Variants in BRINP3 observed in about 807,000 individuals in gnomAD.
The protein encoded by BRINP3 is BMP/retinoic acid-inducible neural-specific protein 3.
In BRINP3, 19 loss-of-function variants were observed where a neutral mutation model predicts 71.0. The observed-to-expected ratio is 0.27, with a 90% CI of 0.19 to 0.39. BRINP3 has a LOEUF of 0.39. Ranked by LOEUF, BRINP3 falls within the 10% of genes least tolerant of loss-of-function variation. BRINP3 has a pLI of 1.00. For missense variants in BRINP3, 959 were observed against 940.8 expected (o/e 1.02, Z -0.25); for synonymous variants, 380 against 337.7 (o/e 1.13, Z -1.37).
intron 6 of BRINP3, among the ~76,000 whole-genome samples, chr1:190,188,080 T>C (rs906903012): frequency 3.5e-4 from 53 of 152,220 alleles, no homozygotes; most frequent in African/African-American, 1.3e-3. Context: ...AGTTTCATTG[T>C]AGAGATATTA....
chr1:190,224,801 AAACCAAAACTAAT>A (rs1657192045), intron 6 of BRINP3, among the ~76,000 whole-genome samples: 1 of 151,874 alleles, frequency 6.6e-6, no homozygotes, highest in Admixed American at 6.6e-5. Context: ...AAAATACTAA[AAACCAAAACTAAT>A]AACCCAATTA....
In BRINP3 at chr1:190,454,869, C is replaced by T; in HGVS notation, c.22G>A (p.Gly8Ser). 1 of 1,614,054 alleles carries T rather than the reference C, an allele frequency of 6.2e-7. No individual in the cohort carries two copies. The highest frequency in any genetic ancestry group is 8.5e-7 in the Non-Finnish European group (1 of 1,179,942). Residue 8 changes from glycine to serine, a missense_variant, in exon 2 of 8, where the codon GGT becomes AGT. Transcript: ENST00000367462. ...GCCATCAGAGAGAACAATTCAGCACCAGCTCTGCTTCGCCATATCATGCTT... is the reference window on the plus strand; with the variant it reads ...GCCATCAGAGAGAACAATTCAGCACTAGCTCTGCTTCGCCATATCATGCTT... MIWRSRA[G>S]AELFSLMALW...
chr1:190,381,115 C>T (rs1258065443), intron 2 of BRINP3, among the ~76,000 whole-genome samples: 2 of 152,090 alleles, frequency 1.3e-5, no homozygotes, highest in Admixed American at 6.6e-5. Flanking sequence ...TCTCCCTATA[C>T]CCCATGATAT....
intron 6 of BRINP3, among the ~76,000 whole-genome samples, chr1:190,218,937 G>A (rs1309822144): frequency 6.6e-6 from 1 of 152,066 alleles, no homozygotes; most frequent in African/African-American, 2.4e-5. Flanking sequence ...CCATCATTGT[G>A]TTTTCTCTTG....
chr1:190,320,930 GT>G (rs1200660025), intron 2 of BRINP3, among the ~76,000 whole-genome samples: 1 of 151,756 alleles, frequency 6.6e-6, no homozygotes, highest in Non-Finnish European at 1.5e-5. Flanking sequence ...TGCTGTGTGT[GT>G]GTTTGTATAT....
At chr1:190,138,461 C>G (rs1390407672) in intron 7 of BRINP3, among the ~76,000 whole-genome samples, 7 of 152,106 alleles carry the variant, frequency 4.6e-5, no homozygotes, top group Non-Finnish European at 4.4e-5. Context: ...CAAGAAATAT[C>G]AGAAAGCAGG....
chr1:190,418,219 T>A (rs1349949939), intron 2 of BRINP3, among the ~76,000 whole-genome samples: 2 of 152,044 alleles, frequency 1.3e-5, no homozygotes, highest in Admixed American at 1.3e-4. Context: ...GCCTGGCTAA[T>A]TTTCGTATTT....
At chr1:190,462,134 A>G (rs1676438411) in intron 1 of BRINP3, among the ~76,000 whole-genome samples, 1 of 151,228 alleles carries the variant, frequency 6.6e-6, no homozygotes. Context: ...CTGGTCTCAA[A>G]CTCCTGATTT....
At chr1:190,244,620 A>C (rs1461378499) in intron 4 of BRINP3, among the ~76,000 whole-genome samples, 3 of 152,136 alleles carry the variant, frequency 2.0e-5, no homozygotes, top group Non-Finnish European at 4.4e-5. Flanking sequence ...CAGTGCACAC[A>C]AAGCAATCTG....
At position 190,101,624 on chromosome 1, in the gene BRINP3, A is replaced by C. The variant is rs529599628; in HGVS notation, c.1185-2490T>G. ...CTCTCCTGTTTTTGCTTCTTTATTC[A>C]GTTCTCATTTATGTATATCTAATAT... On this transcript the variant is annotated intron_variant, in intron 7 of 7. Transcript: ENST00000367462. Among the ~76,000 whole-genome samples, 34 of 151,014 alleles carry C rather than the reference A, an allele frequency of 2.3e-4. No homozygotes were observed. In the East Asian group the frequency reaches 6.4e-3, roughly 28 times the overall value.
At chr1:190,381,773 C>T (rs536588103) in intron 2 of BRINP3, among the ~76,000 whole-genome samples, 2 of 152,242 alleles carry the variant, frequency 1.3e-5, no homozygotes, top group East Asian at 1.9e-4. Flanking sequence ...TTAACACACA[C>T]GGATGACTTG....
At chr1:190,136,303 G>C (rs1413584438) in intron 7 of BRINP3, among the ~76,000 whole-genome samples, 1 of 152,026 alleles carries the variant, frequency 6.6e-6, no homozygotes, top group Non-Finnish European at 1.5e-5. Flanking sequence ...TGCACTTAAA[G>C]ATCTAACAAC....
At chr1:190,242,085 G>A (rs1460774140) in intron 4 of BRINP3, among the ~76,000 whole-genome samples, 1 of 151,528 alleles carries the variant, frequency 6.6e-6, no homozygotes, top group East Asian at 1.9e-4. Flanking sequence ...ATATTTCTGA[G>A]CTTATTTTTA....
intron 1 of BRINP3, among the ~76,000 whole-genome samples, chr1:190,457,351 C>T (rs1035510488): frequency 3.3e-5 from 5 of 151,896 alleles, no homozygotes; most frequent in Non-Finnish European, 7.4e-5. Flanking sequence ...TGCTGAAGCA[C>T]GAGAATTTCT....
intron 4 of BRINP3, among the ~76,000 whole-genome samples, chr1:190,251,448 A>G (rs773994006): frequency 6.6e-6 from 1 of 151,990 alleles, no homozygotes; most frequent in Non-Finnish European, 1.5e-5. Flanking sequence ...GACACAATCA[A>G]TACGTAGTGA....
Position 190,173,166 on chromosome 1 carries a change from A to G in BRINP3, c.962-12276T>C, listed in dbSNP as rs185962292. ...GTAATGCAGCTGCGGCTAGTTTTCT[A>G]TTACACACATTCTTCACTCATTACA... On this transcript the variant is annotated intron_variant, in intron 6 of 7. Transcript: ENST00000367462. 5.3e-3 allele frequency among the ~76,000 whole-genome samples: 806 copies of G among 152,252 alleles called. 4 individuals are homozygous for G. Among genetic ancestry groups the G allele is most frequent in the Non-Finnish European group, 7.8e-3 (528 of 68,014 alleles).
At chr1:190,167,766 C>T (rs1651682950) in intron 6 of BRINP3, among the ~76,000 whole-genome samples, 1 of 152,158 alleles carries the variant, frequency 6.6e-6, no homozygotes, top group South Asian at 2.1e-4. Flanking sequence ...TTTGCTTTCC[C>T]ACCCCTGTGA....
At chr1:190,115,982 T>G (rs1298830450) in intron 7 of BRINP3, among the ~76,000 whole-genome samples, 6 of 152,146 alleles carry the variant, frequency 3.9e-5, no homozygotes, top group Non-Finnish European at 5.9e-5. Context: ...ATTGTGCATA[T>G]TAACTTTGCT....
chr1:190,318,094 T>C (rs1666006438), intron 2 of BRINP3, among the ~76,000 whole-genome samples: 3 of 152,060 alleles, frequency 2.0e-5, no homozygotes, highest in Admixed American at 1.3e-4. Context: ...TGGTAAATAA[T>C]TGAACAAGGA....
Sources: gnomAD v4.1 joint callset for allele counts (sites outside exome capture counted in the v4.1 genomes callset) on GRCh38, gnomAD v4.1.1 for gene constraint, MANE v1.5 for transcripts, NCBI Gene and HGNC (gene_info 2026-07-23, HGNC 2026-07-21) for gene names.